AP5S1: variants seen among roughly 807,000 people sequenced by gnomAD.
AP5S1 encodes AP-5 complex subunit sigma-1.
AP5S1 carries 13 observed loss-of-function variants against 13.9 expected under a neutral mutation model. The observed-to-expected ratio is 0.94, with a 90% CI of 0.61 to 1.49. The LOEUF (loss-of-function observed/expected upper bound fraction) is 1.49. Among genes scored for constraint, AP5S1 ranks in the 40% most tolerant of loss-of-function variants. AP5S1 has a pLI of 0.00. For synonymous variants in AP5S1, 132 were observed against 121.8 expected (o/e 1.08, Z -0.55); for missense variants, 292 against 272.3 (o/e 1.07, Z -0.51).
chr20:3,823,069 T>C (rs192132282), intron 2 of AP5S1, among the ~76,000 whole-genome samples: 10 of 152,238 alleles, frequency 6.6e-5, no homozygotes, highest in Non-Finnish European at 5.9e-5. Context: ...ACCAAATACA[T>C]GCCTTTAAAA....
rs752468122 is a variant in AP5S1, at chr20:3,822,181, C to T, written c.64C>T (p.Arg22Ter). The T allele has an allele frequency of 4.8e-5, 78 of 1,614,036 alleles. No homozygotes were observed. The highest frequency in any genetic ancestry group is 6.2e-5 in the Non-Finnish European group (73 of 1,180,042). Residue 22 changes from arginine (R) to a stop codon, truncating the protein, a stop_gained, in exon 2 of 3, where the codon CGA becomes TGA. Transcript: ENST00000615891. LOFTEE classifies it high-confidence loss of function. ...GAATACTGAGGACACGGGCCTTTGC[C>T]GAGTGCTGTACTCCTGCGTCTTCGG... Reference protein sequence around the residue: ...APNTEDTGLCRVLYSCVFGAE... With the variant: ...APNTEDTGLC
rs2089622817 is a variant in AP5S1, at chr20:3,826,067, G to A, written c.*1770G>A. ...TTTCTTGGCAGAACGAGCCTCCTAG[G>A]TGCTCAGCTCTCATGCTTGCCATCC... is the stretch of plus-strand genomic sequence containing the variant. On this transcript the variant is annotated 3_prime_UTR_variant, in exon 3 of 3. Coordinates refer to ENST00000615891, the MANE Select transcript of AP5S1 (RefSeq NM_018347.3). 6.6e-6 allele frequency: 1 copy of A among 152,124 alleles called. No individual in the cohort carries two copies. Among genetic ancestry groups the A allele is most frequent in the Admixed American group, 6.5e-5 (1 of 15,268 alleles). The allele number at this position is 152,124 out of a possible 1,614,324, so 9.4% of individuals were successfully genotyped here.
In AP5S1 at chr20:3,824,449, G is replaced by C; in HGVS notation, c.*152G>C. The C allele has an allele frequency of 1.3e-6, 1 of 764,502 alleles. No individual in the cohort carries two copies. Among genetic ancestry groups the C allele is most frequent in the South Asian group, 1.9e-5 (1 of 54,026 alleles). 47.4% of individuals were successfully genotyped at this position (764,502 alleles called of 1,614,324 possible). ...GCCTGCAGAAAGGGGGCTGGGCAGAGGGTGGAGGAGGTCCTGCCTGTCCTC... is the reference window on the plus strand; with the variant it reads ...GCCTGCAGAAAGGGGGCTGGGCAGACGGTGGAGGAGGTCCTGCCTGTCCTC... On this transcript the variant is annotated 3_prime_UTR_variant, in exon 3 of 3. Transcript: ENST00000615891.
chr20:3,828,295 C>G lies in AP5S1; in HGVS notation c.*3998C>G, dbSNP rs1010776691. On this transcript the variant is annotated 3_prime_UTR_variant, in exon 3 of 3. Transcript: ENST00000615891. ...TTCTCATTTACTCCCTGTCCCCACACATGCACAGCCTCCCTTATCACCAAC... is the reference window on the plus strand; with the variant it reads ...TTCTCATTTACTCCCTGTCCCCACAGATGCACAGCCTCCCTTATCACCAAC... 2.0e-5 allele frequency: 3 copies of G among 152,212 alleles called. No individual in the cohort carries two copies. The highest frequency in any genetic ancestry group is 7.2e-5 in the African/African-American group (3 of 41,460). 9.4% of individuals were successfully genotyped at this position (152,212 alleles called of 1,614,324 possible). A position where few individuals can be genotyped will look rare whatever the true frequency, so the allele number is the denominator to read the frequency against.
chr20:3,821,214 C>G (rs1460405516), intron 1 of AP5S1, among the ~76,000 whole-genome samples: 3 of 152,084 alleles, frequency 2.0e-5, no homozygotes, highest in Admixed American at 6.6e-5. Flanking sequence ...TATTTAGAGG[C>G]CCATCCGTGT....
rs2089626542 is a variant in AP5S1, at chr20:3,826,614, A to T, written c.*2317A>T. 2 of 152,140 alleles carry T rather than the reference A, an allele frequency of 1.3e-5. No individual in the cohort carries two copies. The highest frequency in any genetic ancestry group is 2.9e-5 in the Non-Finnish European group (2 of 68,070). 9.4% of individuals were successfully genotyped at this position (152,140 alleles called of 1,614,324 possible). ...GGTTCTCATGAGGTGGGGCAAACTG[A>T]TGGACAAGAGAATAGTAGAGACTGA... On this transcript the variant is annotated 3_prime_UTR_variant, in exon 3 of 3. Transcript: ENST00000615891.
intron 1 of AP5S1, among the ~76,000 whole-genome samples, chr20:3,821,028 A>G (rs2089575804): frequency 6.6e-6 from 1 of 152,186 alleles, no homozygotes; most frequent in Admixed American, 6.5e-5. Context: ...CATTACTATT[A>G]TTTAGTTTCT....
intron 2 of AP5S1, chr20:3,823,436 A>G (rs2089598770): frequency 1.6e-6 from 1 of 615,426 alleles, no homozygotes; most frequent in East Asian, 1.4e-4. Context: ...TATTTTTAGT[A>G]GAGACGGGGT....
chr20:3,824,197 G>T lies in AP5S1; in HGVS notation c.503G>T (p.Gly168Val). 6.2e-7 allele frequency: 1 copy of T among 1,614,130 alleles called. No individual in the cohort carries two copies. The highest frequency in any genetic ancestry group is 8.5e-7 in the Non-Finnish European group (1 of 1,180,032). ...CTGCTGCGGGCTGACCGCATTGAGG[G>T]CATCCTCACCCGCTTCCTGCCACAT... ...SLLLRADRIE[G>V]ILTRFLPHGQ... Residue 168 changes from glycine (G) to valine (V), a missense_variant, in exon 3 of 3, where the codon GGC becomes GTC. Transcript: ENST00000615891.
intron 2 of AP5S1, 49 bp from the exon 3 acceptor site, chr20:3,823,822 A>G (rs2089602094): frequency 6.4e-7 from 1 of 1,562,254 alleles, no homozygotes; most frequent in South Asian, 1.2e-5. Flanking sequence ...CATGAGGATG[A>G]CAGAGTTGGT....
In AP5S1 at chr20:3,824,222, T is replaced by G; in HGVS notation, c.528T>G (p.His176Gln). ...IEGILTRFLP[H>Q]GQLLFLNDQF... ...GCATCCTCACCCGCTTCCTGCCACA[T>G]GGTCAGCTGCTTTTCCTCAACGACC... The change falls in exon 3 of 3, where the codon CAT becomes CAG. Residue 176 changes from histidine (H) to glutamine (Q), a missense_variant. Coordinates refer to ENST00000615891, the MANE Select transcript of AP5S1 (RefSeq NM_018347.3). The G allele has an allele frequency of 6.2e-7, 1 of 1,614,198 alleles. No individual in the cohort carries two copies. The highest frequency in any genetic ancestry group is 8.5e-7 in the Non-Finnish European group (1 of 1,180,036).
chr20:3,822,245 C>T lies in AP5S1; in HGVS notation c.128C>T (p.Ala43Val), dbSNP rs1239783491. The T allele has an allele frequency of 6.2e-7, 1 of 1,614,144 alleles. No homozygotes were observed. The highest frequency in any genetic ancestry group is 1.1e-5 in the South Asian group (1 of 91,088). The change falls in exon 2 of 3, where the codon GCC becomes GTC. Residue 43 changes from alanine (A) to valine (V), a missense_variant. Physicochemically the swap from Ala to Val is moderately conservative, Grantham distance 64. Coordinates refer to ENST00000615891, the MANE Select transcript of AP5S1 (RefSeq NM_018347.3). ...CCTGATGACCCACGGCCGCATGGTG[C>T]CGAGAGGGACAGGCTTCTCCGGAAG... is the stretch of plus-strand genomic sequence containing the variant. ...KSPDDPRPHG[A>V]ERDRLLRKEQ...
Position 3,824,423 on chromosome 20 carries a change from A to T in AP5S1, c.*126A>T, listed in dbSNP as rs2089610203. 1 of 997,554 alleles carries T rather than the reference A, an allele frequency of 1.0e-6. No homozygotes were observed. Among genetic ancestry groups the T allele is most frequent in the Non-Finnish European group, 1.5e-6 (1 of 689,140 alleles). The allele number at this position is 997,554 out of a possible 1,614,324, so 61.8% of individuals were successfully genotyped here. A position where few individuals can be genotyped will look rare whatever the true frequency, so the allele number is the denominator to read the frequency against. ...TATACCAGGACAAGTGGGTGACACA[A>T]GCCTGCAGAAAGGGGGCTGGGCAGA... is the stretch of plus-strand genomic sequence containing the variant. On this transcript the variant is annotated 3_prime_UTR_variant, in exon 3 of 3. Transcript: ENST00000615891.
chr20:3,821,976 T>G lies in AP5S1; in HGVS notation c.-16-126T>G, dbSNP rs557808509. ...TGTGATGTTGTTCAGATGCTGTTAT[T>G]CAAAGTGTTCAGCCTCACTGGCCTC... On this transcript the variant is annotated intron_variant, in intron 1 of 2. Transcript: ENST00000615891. 153 of 1,392,938 alleles carry G rather than the reference T, an allele frequency of 1.1e-4. 2 individuals carry two copies. In the South Asian group the frequency reaches 2.5e-3, roughly 22 times the overall value. The allele number at this position is 1,392,938 out of a possible 1,614,324, so 86.3% of individuals were successfully genotyped here. A position where few individuals can be genotyped will look rare whatever the true frequency, so the allele number is the denominator to read the frequency against.
chr20:3,825,379 G>A lies in AP5S1; in HGVS notation c.*1082G>A, dbSNP rs1417972928. The stretch of plus-strand genomic sequence containing the variant: ...TCTCTGGATGGCCCCAAAGCTGCGT[G>A]TCTGAGCTTTCGTGGTCAAGGATCC... On this transcript the variant is annotated 3_prime_UTR_variant, in exon 3 of 3. Transcript: ENST00000615891. 6.6e-6 allele frequency: 1 copy of A among 152,210 alleles called. No individual in the cohort carries two copies. Among genetic ancestry groups the A allele is most frequent in the African/African-American group, 2.4e-5 (1 of 41,418 alleles). 9.4% of individuals were successfully genotyped at this position (152,210 alleles called of 1,614,324 possible).
At chr20:3,821,185 T>C (rs74386376) in intron 1 of AP5S1, among the ~76,000 whole-genome samples, 4,168 of 152,306 alleles carry the variant, frequency 0.027, 197 homozygotes, top group African/African-American at 0.094. Flanking sequence ...GTTGCAGATA[T>C]GAAATCCTGT....
In AP5S1 at chr20:3,823,961, G is replaced by T. The variant is rs766389023; in HGVS notation, c.267G>T (p.Pro89=). 6.2e-7 allele frequency: 1 copy of T among 1,609,894 alleles called. No individual in the cohort carries two copies. Among genetic ancestry groups the T allele is most frequent in the Non-Finnish European group, 8.5e-7 (1 of 1,180,008 alleles). ...LQPQSSDEQV[P]LHEAPRGAFR... ...CGCAATCCTCAGATGAGCAAGTGCC[G>T]CTGCACGAGGCCCCACGTGGGGCTT... The change falls in exon 3 of 3, where the codon CCG becomes CCT. Residue 89 remains proline, a synonymous_variant. Transcript: ENST00000615891.
At chr20:3,823,813 A>C in intron 2 of AP5S1, 58 bp from the exon 3 acceptor site, 1 of 1,553,964 alleles carries the variant, frequency 6.4e-7, no homozygotes, top group Non-Finnish European at 8.7e-7. Context: ...AGGGTTGATC[A>C]TGAGGATGAC....
intron 1 of AP5S1, 66 bp from the exon 2 acceptor site, chr20:3,822,036 T>G: frequency 6.5e-7 from 1 of 1,539,296 alleles, no homozygotes; most frequent in Non-Finnish European, 8.8e-7. Flanking sequence ...GGTCAGCCCC[T>G]TCCTGTGGTC....
Sources: gnomAD v4.1 joint callset for allele counts (sites outside exome capture counted in the v4.1 genomes callset) on GRCh38, gnomAD v4.1.1 for gene constraint, MANE v1.5 for transcripts, NCBI Gene and HGNC (gene_info 2026-07-23, HGNC 2026-07-21) for gene names.